The following PARVB variants were observed in gnomAD, a reference collection of about 807,000 sequenced individuals.
PARVB encodes parvin beta.
Under a neutral mutation model 47.0 loss-of-function variants are expected in PARVB, and 46 were observed. That is an observed-to-expected ratio of 0.98 (90% CI 0.77 to 1.25). The LOEUF (loss-of-function observed/expected upper bound fraction) is 1.25. Among genes scored for constraint, PARVB ranks in the 50% most tolerant of loss-of-function variants. The pLI, the probability that PARVB is intolerant of heterozygous loss-of-function variation, is 0.00. For synonymous variants in PARVB, 196 were observed against 196.3 expected (o/e 1.00, Z 0.01); for missense variants, 473 against 471.6 (o/e 1.00, Z -0.03).
At chr22:44,077,364 G>A (rs974892319) in intron 1 of PARVB, among the ~76,000 whole-genome samples, 4 of 152,106 alleles carry the variant, frequency 2.6e-5, no homozygotes, top group African/African-American at 4.8e-5. Context: ...TTGTAAGGAC[G>A]CCTGTCATTG....
At chr22:44,062,269 GC>G (rs1175482111) in intron 1 of PARVB, among the ~76,000 whole-genome samples, 1 of 152,102 alleles carries the variant, frequency 6.6e-6, no homozygotes, top group Non-Finnish European at 1.5e-5. Flanking sequence ...TGAGGGCTCA[GC>G]CCCACGAGAC....
chr22:44,123,208 A>G (rs983201885), intron 4 of PARVB, among the ~76,000 whole-genome samples: 1 of 152,242 alleles, frequency 6.6e-6, no homozygotes, highest in Admixed American at 6.5e-5. Context: ...TTGCTCCTGC[A>G]ACACTCCAAT....
At chr22:44,051,948 G>T (rs1435950943) in intron 1 of PARVB, among the ~76,000 whole-genome samples, 3 of 152,148 alleles carry the variant, frequency 2.0e-5, no homozygotes, top group Non-Finnish European at 4.4e-5. Flanking sequence ...GATGCACCGA[G>T]GACTGATGGC....
intron 12 of PARVB, among the ~76,000 whole-genome samples, chr22:44,165,541 C>G (rs750477778): frequency 1.3e-5 from 2 of 152,184 alleles, no homozygotes; most frequent in Admixed American, 6.5e-5. Context: ...GCTAGAGGCC[C>G]GAGGGATGCT....
chr22:44,156,706 A>G (rs573891003), intron 10 of PARVB, among the ~76,000 whole-genome samples: 63 of 152,368 alleles, frequency 4.1e-4, no homozygotes, highest in Middle Eastern at 3.4e-3. Context: ...ATGTTATGGT[A>G]TATTTTATGG....
At chr22:44,053,325 G>A (rs568924122) in intron 1 of PARVB, among the ~76,000 whole-genome samples, 8 of 152,092 alleles carry the variant, frequency 5.3e-5, no homozygotes, top group Non-Finnish European at 8.8e-5. Context: ...CTCATGATCC[G>A]CCCTCCTTGG....
chr22:44,012,677 A>G (rs2050534923), intron 2 of PARVB, among the ~76,000 whole-genome samples: 2 of 152,120 alleles, frequency 1.3e-5, no homozygotes, highest in African/African-American at 4.8e-5. Context: ...TCACTTCTCT[A>G]CACACTTCTA....
chr22:44,117,831 A>AC (rs201596562), intron 3 of PARVB, among the ~76,000 whole-genome samples: 20 of 70,852 alleles, frequency 2.8e-4, no homozygotes, highest in African/African-American at 2.6e-3. Flanking sequence ...CAATGAGATC[A>AC]TTTATTAGTT....
chr22:44,079,363 G>C (rs470027), intron 1 of PARVB, among the ~76,000 whole-genome samples: 61,978 of 152,146 alleles, frequency 0.41, 13,077 homozygotes, highest in East Asian at 0.45. Flanking sequence ...GACAGTAGCA[G>C]GATCGAGAAG....
intron 2 of PARVB, among the ~76,000 whole-genome samples, chr22:44,017,399 C>G (rs1228262163): frequency 6.6e-6 from 1 of 152,282 alleles, no homozygotes; most frequent in East Asian, 1.9e-4. Flanking sequence ...GAGTACCACG[C>G]TTGCATTTAA....
chr22:44,070,094 T>C (rs774968612), intron 1 of PARVB, among the ~76,000 whole-genome samples: 7 of 152,256 alleles, frequency 4.6e-5, no homozygotes, highest in Non-Finnish European at 1.0e-4. Flanking sequence ...TGATGTGTCC[T>C]GGGCTTTCTG....
chr22:44,067,761 CTGGGGACCTGGATCAGCAT>C (rs1160520282), intron 1 of PARVB, among the ~76,000 whole-genome samples: 13 of 152,212 alleles, frequency 8.5e-5, no homozygotes, highest in Admixed American at 1.3e-4. Context: ...CACATCAGTG[CTGGGGACCTGGATCAGCAT>C]TGGGGACCTG....
intron 1 of PARVB, among the ~76,000 whole-genome samples, chr22:44,063,498 A>T (rs1555898077): frequency 3.9e-5 from 6 of 152,096 alleles, no homozygotes. Context: ...AAGTACTGGG[A>T]TTACAGGCGT....
chr22:44,093,969 C>T lies in PARVB; in HGVS notation c.154C>T (p.Pro52Ser). 1 of 1,613,774 alleles carries T rather than the reference C, an allele frequency of 6.2e-7. No homozygotes were observed. Among genetic ancestry groups the T allele is most frequent in the South Asian group, 1.1e-5 (1 of 91,072 alleles). The change falls in exon 2 of 13, where the codon CCG (proline) becomes TCG (serine). Residue 52 changes from proline (P) to serine (S), a missense_variant. Transcript: ENST00000338758. ...AGAAGGCAAGAATGCCATCAACTCA[C>T]CGATGTCCCCCGCCCTGGTGGATGT... ...QEEGKNAINSPMSPALVDVHP... is the reference protein window; with the variant it reads ...QEEGKNAINSSMSPALVDVHP...
intron 12 of PARVB, among the ~76,000 whole-genome samples, chr22:44,164,544 G>A (rs1361179017): frequency 6.6e-6 from 1 of 152,196 alleles, no homozygotes; most frequent in African/African-American, 2.4e-5. Flanking sequence ...CACTGCCTGT[G>A]AACCCTGCTG....
intron 1 of PARVB, among the ~76,000 whole-genome samples, chr22:44,066,780 T>TCTTCTCCTCCTCCTCCTTCTCTTC (rs752513022): frequency 4.2e-5 from 2 of 48,080 alleles, no homozygotes; most frequent in Non-Finnish European, 8.0e-5. Flanking sequence ...CTTAATTATT[T>TCTTCTCCTCCTCCTCCTTCTCTTC]CTCCTCCTCC....
At chr22:44,157,946 A>G in intron 10 of PARVB, 36 bp from the exon 11 acceptor site, 2 of 1,504,468 alleles carry the variant, frequency 1.3e-6, no homozygotes, top group East Asian at 2.3e-5. Context: ...CCAACTCCTT[A>G]CCCTGCCCGG....
At chr22:44,167,465 A>G (rs1420083381) in intron 12 of PARVB, among the ~76,000 whole-genome samples, 3 of 152,130 alleles carry the variant, frequency 2.0e-5, no homozygotes, top group African/African-American at 7.2e-5. Context: ...CATCGGTGTC[A>G]GGCTGCTGCT....
At chr22:44,123,696 T>C (rs2053123843) in intron 4 of PARVB, among the ~76,000 whole-genome samples, 1 of 152,040 alleles carries the variant, frequency 6.6e-6, no homozygotes, top group Non-Finnish European at 1.5e-5. Flanking sequence ...TTTACAGGCA[T>C]GAGCCACTGC....
Sources: gnomAD v4.1 joint callset for allele counts (sites outside exome capture counted in the v4.1 genomes callset) on GRCh38, gnomAD v4.1.1 for gene constraint, MANE v1.5 for transcripts, NCBI Gene and HGNC (gene_info 2026-07-23, HGNC 2026-07-21) for gene names.